NSMF: variants seen among roughly 807,000 people sequenced by gnomAD.
NSMF encodes nasal embryonic LHRH factor.
A neutral mutation model predicts 71.0 loss-of-function variants in NSMF; 31 were observed. The observed-to-expected ratio is 0.44, with a 90% confidence interval of 0.33 to 0.59. NSMF has a LOEUF of 0.59. Among genes scored for constraint, NSMF ranks in the 20% least tolerant of loss-of-function variants. The pLI, the probability that NSMF is intolerant of heterozygous loss-of-function variation, is 0.04. For missense variants in NSMF, 673 were observed against 740.5 expected, an observed-to-expected ratio of 0.91 and a Z score of 1.06; for synonymous variants, 345 against 287.1, an observed-to-expected ratio of 1.20 and a Z score of -2.04.
chr9:137,458,925 C>T, intron 1 of NSMF, 107 bp downstream of exon 1: 1 of 909,474 alleles, frequency 1.1e-6, no homozygotes, highest in South Asian at 2.4e-5. Flanking sequence ...GCCTCAGTGG[C>T]AGAGGCCGGG....
At chr9:137,455,505 G>T in intron 5 of NSMF, 124 bp downstream of exon 5, 1 of 1,262,140 alleles carries the variant, frequency 7.9e-7, no homozygotes. Flanking sequence ...TGGGAGCCAG[G>T]CCCGCAGAGA....
Position 137,452,348 on chromosome 9 carries a change from C to T in NSMF, c.1236+17G>A, listed in dbSNP as rs199756164. 113 of 1,609,118 alleles carry T rather than the reference C, an allele frequency of 7.0e-5. No homozygotes were observed. In the African/African-American group the frequency reaches 1.1e-3, roughly 16 times the overall value. ...CACGATTCTTCTCCTGGTCAGGAGACGAGCACTGAGCCCCACCTGGCAGAA... is the reference window on the plus strand; with the variant it reads ...CACGATTCTTCTCCTGGTCAGGAGATGAGCACTGAGCCCCACCTGGCAGAA... On this transcript the variant is annotated intron_variant, in intron 12 of 15. Transcript: ENST00000371475.
chr9:137,453,432 T>TC lies in NSMF; in HGVS notation c.923-253dup. Reference sequence around the variant, plus strand: ...CGTGCAGGCATCAGCTCCAGCCAAGTCCGCCGGGCGCCTGGGAGGGAGTGG... The same window carrying TC: ...CGTGCAGGCATCAGCTCCAGCCAAGTCCCGCCGGGCGCCTGGGAGGGAGTGG... On this transcript the variant is annotated intron_variant, in intron 8 of 15. Coordinates refer to ENST00000371475, the MANE Select transcript of NSMF (RefSeq NM_001130969.3). The surrounding 1 kb of genome is among the most constrained non-coding windows in gnomAD (Gnocchi z 4.5). The TC allele has an allele frequency of 1.6e-6, 1 of 609,260 alleles. No individual in the cohort carries two copies. Among genetic ancestry groups the TC allele is most frequent in the South Asian group, 2.0e-5 (1 of 50,830 alleles). 37.7% of individuals were successfully genotyped at this position (609,260 alleles called of 1,614,324 possible).
Position 137,453,395 on chromosome 9 carries a change from C to T in NSMF, c.923-215G>A, listed in dbSNP as rs1236492932. The stretch of plus-strand genomic sequence containing the variant: ...GGGAAGGGAGACCCTGGTGCGAGGC[C>T]GGTGGAAGGCGCGTGCAGGCATCAG... On this transcript the variant is annotated intron_variant, in intron 8 of 15. Coordinates refer to ENST00000371475, the MANE Select transcript of NSMF (RefSeq NM_001130969.3). This position sits in a 1 kb window ranked among gnomAD's most constrained non-coding sequence, Gnocchi z 4.5. 1.8e-5 allele frequency: 12 copies of T among 658,432 alleles called. No homozygotes were observed. The South Asian group carries it at 1.9e-4, about 10-fold the overall frequency. The allele number at this position is 658,432 out of a possible 1,614,324, so 40.8% of individuals were successfully genotyped here. A position where few individuals can be genotyped will look rare whatever the true frequency, so the allele number is the denominator to read the frequency against.
rs1830605796 is a variant in NSMF, at chr9:137,452,805, C to T, written c.1062G>A (p.Lys354=). The T allele has an allele frequency of 6.2e-7, 1 of 1,603,366 alleles. No individual in the cohort carries two copies. ...TGGGGATGTACTCAGCCTTGGGCAC[C>T]TTGGAGGAAATGAGCTGCGGAGACA... ...VPPKVMLISS[K]VPKAEYIPTI... The change falls in exon 10 of 16, where the codon AAG becomes AAA. Residue 354 remains lysine (K), a synonymous_variant. Coordinates refer to ENST00000371475, the MANE Select transcript of NSMF (RefSeq NM_001130969.3).
chr9:137,449,228 C>T lies in NSMF; in HGVS notation c.*166G>A, dbSNP rs926131146. ...GCAGCCTCTGCGGCCACGGGTGCAG[C>T]GAGGACCGGAACCCACAGGGGGAAC... On this transcript the variant is annotated 3_prime_UTR_variant, in exon 16 of 16. Transcript: ENST00000371475. 8 of 653,680 alleles carry T rather than the reference C, an allele frequency of 1.2e-5. No individual in the cohort carries two copies. Among genetic ancestry groups the T allele is most frequent in the South Asian group, 6.8e-5 (4 of 58,490 alleles). 40.5% of individuals were successfully genotyped at this position (653,680 alleles called of 1,614,324 possible).
rs2131935982 is a variant in NSMF, at chr9:137,449,393, C to CTCACAGGACGTCG, written c.1581_1593dup. 6.2e-7 allele frequency: 1 copy of CTCACAGGACGTCG among 1,612,336 alleles called. No homozygotes were observed. Among genetic ancestry groups the CTCACAGGACGTCG allele is most frequent in the East Asian group, 2.2e-5 (1 of 44,862 alleles). ...GGTGACTGGGCGGAGGCCTCTGCCC[C>CTCACAGGACGTCG]TCACAGGACGTCGTCAAAGTCCAGC... On this transcript the variant is annotated 3_prime_UTR_variant, in exon 16 of 16. Transcript: ENST00000371475.
In NSMF at chr9:137,453,765, G is replaced by A. The variant is rs780509898; in HGVS notation, c.888C>T (p.Pro296=). The A allele has an allele frequency of 6.2e-7, 1 of 1,601,816 alleles. No individual in the cohort carries two copies. The highest frequency in any genetic ancestry group is 1.7e-5 in the Admixed American group (1 of 59,614). Residue 296 remains proline, a synonymous_variant, in exon 8 of 16, where the codon CCC becomes CCT. Coordinates refer to ENST00000371475, the MANE Select transcript of NSMF (RefSeq NM_001130969.3). The surrounding 1 kb of genome is among the most constrained non-coding windows in gnomAD (Gnocchi z 4.5). ...SFSRSWSDPT[P]MKADTSHDSR... is the part of the protein sequence containing the mutation. Reference sequence around the variant, plus strand: ...AGTCGTGGGAAGTGTCGGCTTTCATGGGGGTGGGGTCGCTCCAGGACCGGC... The same window carrying A: ...AGTCGTGGGAAGTGTCGGCTTTCATAGGGGTGGGGTCGCTCCAGGACCGGC...
Position 137,453,276 on chromosome 9 carries a change from G to C in NSMF, c.923-96C>G, listed in dbSNP as rs1564262825. On this transcript the variant is annotated intron_variant, in intron 8 of 15. Coordinates refer to ENST00000371475, the MANE Select transcript of NSMF (RefSeq NM_001130969.3). The surrounding 1 kb of genome is among the most constrained non-coding windows in gnomAD (Gnocchi z 4.5). ...CCACAGGGCCCGAAAGCCCCATCCC[G>C]GAGGGTCCTCCAAGCAAGTGGGAGG... 6.4e-7 allele frequency: 1 copy of C among 1,567,804 alleles called. No individual in the cohort carries two copies. The highest frequency in any genetic ancestry group is 8.6e-7 in the Non-Finnish European group (1 of 1,158,672).
intron 2 of NSMF, 68 bp from the exon 3 acceptor site, chr9:137,457,969 C>T (rs1039640547): frequency 3.1e-5 from 47 of 1,533,576 alleles, no homozygotes; most frequent in Non-Finnish European, 3.9e-5. Context: ...CATAGCAGGC[C>T]GAAGGCAGAG....
At chr9:137,457,138 CCAGGAAGCACTCCTT>C (rs1564267723) in intron 3 of NSMF, among the ~76,000 whole-genome samples, 6 of 152,178 alleles carry the variant, frequency 3.9e-5, no homozygotes, top group Admixed American at 3.3e-4. Context: ...GCCCCCTCCT[CCAGGAAGCACTCCTT>C]GATTGACCTG....
chr9:137,455,718 C>A, intron 4 of NSMF, 84 bp from the exon 5 acceptor site: 1 of 1,428,812 alleles, frequency 7.0e-7, no homozygotes, highest in South Asian at 1.2e-5. Context: ...CCCACCCGGT[C>A]CCTACAGTTC....
chr9:137,458,930 G>A, intron 1 of NSMF, 102 bp downstream of exon 1: 2 of 962,720 alleles, frequency 2.1e-6, no homozygotes, highest in East Asian at 3.3e-5. Flanking sequence ...AGTGGCAGAG[G>A]CCGGGGCCCG....
At chr9:137,452,989 G>C in intron 9 of NSMF, 67 bp downstream of exon 9, 2 of 1,605,002 alleles carry the variant, frequency 1.2e-6, no homozygotes, top group African/African-American at 2.7e-5. Flanking sequence ...GGCAGAGCTG[G>C]CTGGACTCGG....
intron 15 of NSMF, 36 bp from the exon 16 acceptor site, chr9:137,449,527 C>T (rs781381951): frequency 1.5e-4 from 234 of 1,611,176 alleles, no homozygotes; most frequent in South Asian, 3.8e-4. Flanking sequence ...CAGGCCTGGC[C>T]GGCCCTGGGG....
At chr9:137,452,669 C>A (rs747385164) in intron 10 of NSMF, 67 bp downstream of exon 10, 5 of 1,603,086 alleles carry the variant, frequency 3.1e-6, no homozygotes, top group Admixed American at 1.7e-5. Flanking sequence ...ACCTGGGGTG[C>A]CGGCGCTGGC....
In NSMF at chr9:137,449,330, C is replaced by G; in HGVS notation, c.*64G>C. ...CACAGTCCCGGGGAGCACGAGGCGG[C>G]CCAGCCCCAGGTCCCGGTGCAGAGG... On this transcript the variant is annotated 3_prime_UTR_variant, in exon 16 of 16. Transcript: ENST00000371475. The G allele has an allele frequency of 7.0e-7, 1 of 1,424,796 alleles. No individual in the cohort carries two copies. The highest frequency in any genetic ancestry group is 2.3e-5 in the East Asian group (1 of 42,922). 88.3% of individuals were successfully genotyped at this position (1,424,796 alleles called of 1,614,324 possible). A position where few individuals can be genotyped will look rare whatever the true frequency, so the allele number is the denominator to read the frequency against.
intron 1 of NSMF, 114 bp from the exon 2 acceptor site, chr9:137,458,663 G>T: frequency 9.5e-7 from 1 of 1,050,732 alleles, no homozygotes; most frequent in Non-Finnish European, 1.4e-6. Context: ...CTGGAAGGAG[G>T]GTCGGGGTCG....
At chr9:137,455,343 C>G (rs371497597) in intron 5 of NSMF, 36 bp from the exon 6 acceptor site, 3 of 1,608,978 alleles carry the variant, frequency 1.9e-6, no homozygotes, top group Non-Finnish European at 2.5e-6. Flanking sequence ...TGCCCTTGGC[C>G]GGAGGCAGGA....
Sources: gnomAD v4.1 joint callset for allele counts (sites outside exome capture counted in the v4.1 genomes callset) on GRCh38, gnomAD v4.1.1 for gene constraint, Gnocchi (gnomAD v3.1) non-coding constraint, MANE v1.5 for transcripts, NCBI Gene and HGNC (gene_info 2026-07-23, HGNC 2026-07-21) for gene names.